Variants in CAP2 observed in about 807,000 individuals in gnomAD.
The protein encoded by CAP2 is adenylyl cyclase-associated protein 2.
CAP2 carries 24 observed loss-of-function variants against 57.7 expected under a neutral mutation model. The observed-to-expected ratio is 0.42, with a 90% CI of 0.30 to 0.58. The LOEUF (loss-of-function observed/expected upper bound fraction) is 0.58, where lower values mean the gene tolerates loss of function less well. Ranked by LOEUF, CAP2 falls within the 20% of genes least tolerant of loss-of-function variation. The pLI is 0.22. For missense variants in CAP2, 501 were observed against 590.3 expected (o/e 0.85, Z 1.57); for synonymous variants, 194 against 207.2 (o/e 0.94, Z 0.55).
At position 17,539,301 on chromosome 6, in the gene CAP2, T is replaced by C. The variant is rs1213391039; in HGVS notation, c.669T>C (p.Ser223=). The C allele has an allele frequency of 6.2e-7, 1 of 1,613,954 alleles. No individual in the cohort carries two copies. The highest frequency in any genetic ancestry group is 1.1e-5 in the South Asian group (1 of 91,036). Residue 223 remains serine (S), a synonymous_variant, in exon 8 of 13, where the codon TCT becomes TCC. Transcript: ENST00000229922. The part of the protein sequence containing the change: ...GPVASTVSAF[S]VLSSGPGLPP... ...TAGCATCCACAGTATCAGCGTTTTC[T>C]GTCCTCTCCTCTGGGCCTGGCCTTC...
At chr6:17,469,406 C>CTG (rs1561794567) in intron 4 of CAP2, among the ~76,000 whole-genome samples, 1 of 151,054 alleles carries the variant, frequency 6.6e-6, no homozygotes, top group African/African-American at 2.4e-5. Flanking sequence ...GTGTGTGTGT[C>CTG]TGTGTGTGTC....
At chr6:17,481,829 T>G (rs772944845) in intron 4 of CAP2, among the ~76,000 whole-genome samples, 2 of 152,164 alleles carry the variant, frequency 1.3e-5, no homozygotes, top group Non-Finnish European at 2.9e-5. Context: ...TCCTCCAAAG[T>G]CTAAGGAGAG....
chr6:17,413,490 A>AGTAG (rs1269543249), intron 1 of CAP2, among the ~76,000 whole-genome samples: 2 of 152,190 alleles, frequency 1.3e-5, no homozygotes, highest in African/African-American at 4.8e-5. Flanking sequence ...CTCACACTAC[A>AGTAG]GTAGGGCAGG....
In CAP2 at chr6:17,469,957, A is replaced by G. The variant is rs9477445; in HGVS notation, c.300+6884A>G. Among the ~76,000 whole-genome samples, 877 of 152,330 alleles carry G rather than the reference A, an allele frequency of 5.8e-3. 13 individuals are homozygous for G. Among genetic ancestry groups the G allele is most frequent in the African/African-American group, 0.02 (812 of 41,574 alleles). ...GGCAGTGATCTTAGGACTTAAGCTA[A>G]TTATTTAGATGCATGAGAGATCCAG... On this transcript the variant is annotated intron_variant, in intron 4 of 12. Transcript: ENST00000229922.
intron 3 of CAP2, among the ~76,000 whole-genome samples, chr6:17,435,730 A>C (rs1257434148): frequency 5.9e-5 from 8 of 136,044 alleles, no homozygotes; most frequent in Admixed American, 2.8e-4. Flanking sequence ...AAAAAAAAAA[A>C]AACAAAAAAA....
intron 3 of CAP2, among the ~76,000 whole-genome samples, chr6:17,453,364 A>G (rs192574496): frequency 1.8e-3 from 276 of 152,306 alleles, no homozygotes; most frequent in African/African-American, 6.3e-3. Flanking sequence ...GATTTGTTGC[A>G]TGATTGGTAT....
At chr6:17,550,548 G>A (rs1442694744) in intron 11 of CAP2, among the ~76,000 whole-genome samples, 1 of 151,760 alleles carries the variant, frequency 6.6e-6, no homozygotes, top group Non-Finnish European at 1.5e-5. Context: ...ATCAATAAAA[G>A]TTGCTCTTGG....
intron 1 of CAP2, among the ~76,000 whole-genome samples, chr6:17,408,247 G>A (rs1006814386): frequency 6.6e-6 from 1 of 152,170 alleles, no homozygotes; most frequent in African/African-American, 2.4e-5. Context: ...AAGAGTTGAA[G>A]GGAAGCTGGA....
At chr6:17,455,519 C>G (rs922941120) in intron 3 of CAP2, among the ~76,000 whole-genome samples, 3 of 152,018 alleles carry the variant, frequency 2.0e-5, no homozygotes, top group Non-Finnish European at 2.9e-5. Flanking sequence ...TACTTTACCT[C>G]CTTTCATTCC....
chr6:17,480,229 G>A (rs1158442307), intron 4 of CAP2, among the ~76,000 whole-genome samples: 1 of 152,120 alleles, frequency 6.6e-6, no homozygotes, highest in African/African-American at 2.4e-5. Context: ...CAGCCTCTGA[G>A]TCCTCTCCTC....
At chr6:17,460,118 GA>G (rs1760681887) in intron 3 of CAP2, among the ~76,000 whole-genome samples, 1 of 152,098 alleles carries the variant, frequency 6.6e-6, no homozygotes, top group Admixed American at 6.5e-5. Context: ...CTACAAGGGA[GA>G]AAAAAATCAA....
chr6:17,489,288 C>T (rs1037844140), intron 4 of CAP2, among the ~76,000 whole-genome samples: 24 of 151,926 alleles, frequency 1.6e-4, no homozygotes, highest in South Asian at 4.2e-4. Flanking sequence ...AAAAATAAGC[C>T]GGGTGTGGTG....
intron 7 of CAP2, among the ~76,000 whole-genome samples, chr6:17,518,248 A>G (rs1285097984): frequency 6.6e-6 from 1 of 152,202 alleles, no homozygotes; most frequent in Non-Finnish European, 1.5e-5. Flanking sequence ...AAAGTATATT[A>G]TAACAATTAT....
At chr6:17,468,948 AC>A (rs1760945119) in intron 4 of CAP2, among the ~76,000 whole-genome samples, 5 of 152,250 alleles carry the variant, frequency 3.3e-5, no homozygotes, top group Admixed American at 3.3e-4. Context: ...GCCACACTAC[AC>A]GTCATTTATA....
chr6:17,507,301 T>A lies in CAP2; in HGVS notation c.433T>A (p.Trp145Arg). 1 of 1,614,168 alleles carries A rather than the reference T, an allele frequency of 6.2e-7. No individual in the cohort carries two copies. The highest frequency in any genetic ancestry group is 8.5e-7 in the Non-Finnish European group (1 of 1,180,008). Residue 145 changes from tryptophan to arginine, a missense_variant, in exon 5 of 13, where the codon TGG becomes AGG. By Grantham distance (101) the Trp-to-Arg change is moderately radical. Coordinates refer to ENST00000229922, the MANE Select transcript of CAP2 (RefSeq NM_006366.3). ...CAGCGAAAGCATCCCTGCCCTTGGA[T>A]GGATAGCTGTGGTGAGTCCAGGTGC... ...AVSESIPALG[W>R]IAVSPKPGPY...
intron 7 of CAP2, among the ~76,000 whole-genome samples, chr6:17,529,651 A>AAAAATATATAT (rs10656588): frequency 2.3e-4 from 31 of 134,536 alleles, no homozygotes; most frequent in African/African-American, 8.5e-4. Flanking sequence ...AAAAAAAAAA[A>AAAAATATATAT]ATATATATAT....
At chr6:17,415,573 A>AT (rs1759252217) in intron 1 of CAP2, among the ~76,000 whole-genome samples, 1 of 152,236 alleles carries the variant, frequency 6.6e-6, no homozygotes, top group Non-Finnish European at 1.5e-5. Context: ...TAGCTAATTA[A>AT]TTAGTCAATC....
At chr6:17,528,431 T>C (rs1295608939) in intron 7 of CAP2, among the ~76,000 whole-genome samples, 2 of 152,238 alleles carry the variant, frequency 1.3e-5, no homozygotes, top group Admixed American at 6.5e-5. Context: ...TTGTTACTTC[T>C]CTAAAGCAAC....
intron 2 of CAP2, among the ~76,000 whole-genome samples, chr6:17,425,143 G>T (rs1248647474): frequency 2.0e-5 from 3 of 152,206 alleles, no homozygotes; most frequent in African/African-American, 7.2e-5. Flanking sequence ...GAAAAAGAAA[G>T]ACACTCTCCT....
Sources: allele counts gnomAD v4.1 joint callset (sites outside exome capture counted in the v4.1 genomes callset), GRCh38; gene constraint gnomAD v4.1.1; transcripts MANE v1.5; gene names NCBI Gene and HGNC (gene_info 2026-07-23, HGNC 2026-07-21).